CDH18: variants seen among roughly 807,000 people sequenced by gnomAD.
The protein encoded by CDH18 is cadherin-18.
CDH18 carries 31 observed loss-of-function variants against 67.9 expected under a neutral mutation model. That is an observed-to-expected ratio of 0.46 (90% CI 0.34 to 0.62). The LOEUF is 0.62. Among genes scored for constraint, CDH18 ranks in the 20% least tolerant of loss-of-function variants. The pLI is 0.01. For missense variants in CDH18, 890 were observed against 975.5 expected, an observed-to-expected ratio of 0.91 and a Z score of 1.17; for synonymous variants, 362 against 347.2, an observed-to-expected ratio of 1.04 and a Z score of -0.48.
intron 5 of CDH18, among the ~76,000 whole-genome samples, chr5:19,628,454 T>C (rs946851853): frequency 6.6e-6 from 1 of 152,086 alleles, no homozygotes; most frequent in African/African-American, 2.4e-5. Context: ...GGAGATAGGT[T>C]AAAAGAGAAA....
chr5:20,013,483 CT>C (rs936498316), intron 2 of CDH18, among the ~76,000 whole-genome samples: 12 of 151,770 alleles, frequency 7.9e-5, no homozygotes, highest in African/African-American at 2.9e-4. Context: ...TGTCTTTGAA[CT>C]TTTTTTTGTC....
chr5:20,328,640 A>C (rs9885176), intron 1 of CDH18, among the ~76,000 whole-genome samples: 3 of 151,680 alleles, frequency 2.0e-5, no homozygotes, highest in Non-Finnish European at 4.4e-5. Context: ...TAAACAGCCT[A>C]CTCCTCATCT....
chr5:19,852,469 C>A (rs781498651), intron 2 of CDH18, among the ~76,000 whole-genome samples: 3 of 151,892 alleles, frequency 2.0e-5, no homozygotes, highest in African/African-American at 4.8e-5. Flanking sequence ...GTGAAGCATT[C>A]GCTTGTAGGT....
intron 1 of CDH18, among the ~76,000 whole-genome samples, chr5:20,461,480 A>G (rs889633920): frequency 6.6e-6 from 1 of 152,156 alleles, no homozygotes; most frequent in African/African-American, 2.4e-5. Flanking sequence ...GGAGCAAATA[A>G]CAAGCACACT....
chr5:19,593,162 G>C (rs1049565630), intron 6 of CDH18, among the ~76,000 whole-genome samples: 1 of 151,866 alleles, frequency 6.6e-6, no homozygotes, highest in Non-Finnish European at 1.5e-5. Context: ...TCCTGATTTC[G>C]ATTTTTTAAA....
chr5:19,766,439 C>T (rs921335453), intron 3 of CDH18, among the ~76,000 whole-genome samples: 1 of 152,174 alleles, frequency 6.6e-6, no homozygotes, highest in Non-Finnish European at 1.5e-5. Flanking sequence ...CCACTGGGTT[C>T]ATTCATACAT....
At chr5:19,984,794 C>T (rs1217009956) in intron 1 of CDH18, among the ~76,000 whole-genome samples, 2 of 152,156 alleles carry the variant, frequency 1.3e-5, no homozygotes, top group African/African-American at 4.8e-5. Context: ...TCTGCCATGT[C>T]TTCAAATCAT....
At chr5:20,096,919 A>G (rs1247945071) in intron 2 of CDH18, among the ~76,000 whole-genome samples, 3 of 152,154 alleles carry the variant, frequency 2.0e-5, no homozygotes, top group Admixed American at 2.0e-4. Flanking sequence ...GTCACTTTAC[A>G]TGTAGGAAGA....
At chr5:19,846,145 C>T (rs976787045) in intron 2 of CDH18, among the ~76,000 whole-genome samples, 1 of 151,776 alleles carries the variant, frequency 6.6e-6, no homozygotes, top group Non-Finnish European at 1.5e-5. Context: ...CATTCTTTGA[C>T]TTCTTTCTCC....
At chr5:20,000,063 C>A (rs1435068409) in intron 2 of CDH18, among the ~76,000 whole-genome samples, 1 of 151,942 alleles carries the variant, frequency 6.6e-6, no homozygotes, top group African/African-American at 2.4e-5. Context: ...GCAGTGAGAC[C>A]AAACTATATG....
At chr5:20,210,009 T>G (rs2126371949) in intron 2 of CDH18, among the ~76,000 whole-genome samples, 1 of 151,618 alleles carries the variant, frequency 6.6e-6, no homozygotes, top group East Asian at 1.9e-4. Context: ...TAAGATTAAT[T>G]AAAATAATTT....
chr5:19,932,664 T>C (rs1793828941), intron 2 of CDH18, among the ~76,000 whole-genome samples: 1 of 151,760 alleles, frequency 6.6e-6, no homozygotes, highest in Admixed American at 6.6e-5. Flanking sequence ...AACAAATCTT[T>C]ATCTGTCCCT....
chr5:20,354,631 C>T (rs908905801), intron 1 of CDH18, among the ~76,000 whole-genome samples: 4 of 152,076 alleles, frequency 2.6e-5, no homozygotes, highest in South Asian at 2.1e-4. Flanking sequence ...GAGCTTGTCT[C>T]GAACCCCTGA....
chr5:19,628,665 A>G lies in CDH18; in HGVS notation c.644-16064T>C, dbSNP rs1483418469. 2.6e-5 allele frequency among the ~76,000 whole-genome samples: 4 copies of G among 151,982 alleles called. No individual in the cohort carries two copies. The East Asian group carries it at 7.8e-4, about 29-fold the overall frequency. ...GAGGTGGTTGGAAATCAGGAGTTCAATTTTGGATCTACTCTGAGATTATGT... is the reference window on the plus strand; with the variant it reads ...GAGGTGGTTGGAAATCAGGAGTTCAGTTTTGGATCTACTCTGAGATTATGT... On this transcript the variant is annotated intron_variant, in intron 5 of 12. Coordinates refer to ENST00000382275, the MANE Select transcript of CDH18 (RefSeq NM_004934.5).
chr5:20,078,133 A>T (rs901818762), intron 2 of CDH18, among the ~76,000 whole-genome samples: 1 of 152,214 alleles, frequency 6.6e-6, no homozygotes, highest in Non-Finnish European at 1.5e-5. Context: ...TGCATCTTTA[A>T]AACAGTAATG....
chr5:20,039,082 C>A (rs184609283), intron 2 of CDH18, among the ~76,000 whole-genome samples: 1 of 57,840 alleles, frequency 1.7e-5, no homozygotes, highest in Admixed American at 2.2e-4. Flanking sequence ...AGTGAGTGAA[C>A]TCCCATTCGC....
rs565138910 is a variant in CDH18 at position 20,357,922 on chromosome 5, T to TA, written c.-579-102418dup. On this transcript the variant is annotated intron_variant, in intron 1 of 14. Transcript: ENST00000507958. ...GATGCTCATCAACAGTGTGCAGGAT[T>TA]AAAAAAAAAAATGTGGTTAATATAT... Among the ~76,000 whole-genome samples, 224 of 148,252 alleles carry TA rather than the reference T, an allele frequency of 1.5e-3. 1 individual carries two copies. Among genetic ancestry groups the TA allele is most frequent in the African/African-American group, 2.2e-3 (88 of 40,654 alleles).
At chr5:20,116,566 A>G (rs1747928323) in intron 2 of CDH18, among the ~76,000 whole-genome samples, 1 of 152,164 alleles carries the variant, frequency 6.6e-6, no homozygotes, top group South Asian at 2.1e-4. Context: ...TGAAACTAAG[A>G]AAGGATAGGA....
rs1456776886 is a variant in CDH18 at position 19,591,228 on chromosome 5, A to G, written c.828T>C (p.Tyr276=). 2 of 1,605,236 alleles carry G rather than the reference A, an allele frequency of 1.2e-6. No homozygotes were observed. Among genetic ancestry groups the G allele is most frequent in the African/African-American group, 2.7e-5 (2 of 74,568 alleles). ...AACCAACTTGAGCTGACTCAGGAAC[A>G]TATAGCTGATAGTGTTCTGGAAGAC... The part of the protein sequence containing the change: ...PRFPQKHYQL[Y]VPESAQVGSA... The change falls in exon 7 of 13, where the codon TAT becomes TAC. Residue 276 remains tyrosine (Y), a synonymous_variant. Transcript: ENST00000382275.
Sources: gnomAD v4.1 joint callset for allele counts (sites outside exome capture counted in the v4.1 genomes callset) on GRCh38, gnomAD v4.1.1 for gene constraint, MANE v1.5 for transcripts, NCBI Gene and HGNC (gene_info 2026-07-23, HGNC 2026-07-21) for gene names.